OVGP1: variants seen among roughly 807,000 people sequenced by gnomAD.
OVGP1 encodes oviductal glycoprotein 1.
In OVGP1, 26 loss-of-function variants were observed where a neutral mutation model predicts 48.2. The ratio of observed to expected loss-of-function variants is 0.54; its 90% CI spans 0.40 to 0.75. OVGP1 has a LOEUF of 0.75. Among genes scored for constraint, OVGP1 ranks in the 30% least tolerant of loss-of-function variants. OVGP1 has a pLI of 0.00. For synonymous variants in OVGP1, 294 were observed against 305.7 expected, an observed-to-expected ratio of 0.96 and a Z score of 0.40; for missense variants, 791 against 820.6, an observed-to-expected ratio of 0.96 and a Z score of 0.44.
chr1:111,414,635 C>T lies in OVGP1; in HGVS notation c.1866G>A (p.Leu622=). 6.2e-7 allele frequency: 1 copy of T among 1,614,176 alleles called. No individual in the cohort carries two copies. Among genetic ancestry groups the T allele is most frequent in the Non-Finnish European group, 8.5e-7 (1 of 1,180,026 alleles). The part of the protein sequence containing the change: ...LQMEAENRMM[L]SSSPVIQLPE... ...GGAGCTGGATGACGGGGCTGGAGGACAGCATCATCCTGTTTTCAGCTTCCA... is the reference window on the plus strand; with the variant it reads ...GGAGCTGGATGACGGGGCTGGAGGATAGCATCATCCTGTTTTCAGCTTCCA... Residue 622 remains leucine (L), a synonymous_variant, in exon 11 of 11, where the codon CTG becomes CTA. Transcript: ENST00000369732.
Position 111,426,586 on chromosome 1 carries a change from G to A in OVGP1, c.111C>T (p.Gly37=), listed in dbSNP as rs781146363. ...YFTNWAHSRP[G]PASILPHDLD... is the part of the protein sequence containing the mutation. ...GGTCATGGGGCAAGATCGAGGCAGG[G>A]CCTGGCCGACTGTGTGCCCAGTTGG... Residue 37 remains glycine, a synonymous_variant, in exon 3 of 11, where the codon GGC becomes GGT. Transcript: ENST00000369732. The A allele has an allele frequency of 1.2e-6, 2 of 1,614,072 alleles. No individual in the cohort carries two copies. The highest frequency in any genetic ancestry group is 2.2e-5 in the South Asian group (2 of 91,072).
chr1:111,426,511 G>A lies in OVGP1; in HGVS notation c.186C>T (p.Asn62=), dbSNP rs1419830156. 6.2e-7 allele frequency: 1 copy of A among 1,614,168 alleles called. No homozygotes were observed. Among genetic ancestry groups the A allele is most frequent in the Admixed American group, 1.7e-5 (1 of 60,024 alleles). Residue 62 remains asparagine (N), a synonymous_variant, in exon 3 of 11, where the codon AAC becomes AAT. Coordinates refer to ENST00000369732, the MANE Select transcript of OVGP1 (RefSeq NM_002557.4). ...GATCCTTAGCAACAATCTGATTGTTGTTCATTGAGGCAAAGGCAAATATCA... is the reference window on the plus strand; with the variant it reads ...GATCCTTAGCAACAATCTGATTGTTATTCATTGAGGCAAAGGCAAATATCA... ...THLIFAFASM[N]NNQIVAKDLQ... is the part of the protein sequence containing the mutation.
intron 1 of OVGP1, 135 bp from the exon 2 acceptor site, chr1:111,427,226 C>A (rs1571357970): frequency 1.3e-6 from 2 of 1,519,332 alleles, no homozygotes; most frequent in Non-Finnish European, 1.8e-6. Context: ...CAAATGGGGA[C>A]ACACACACCA....
intron 3 of OVGP1, 80 bp from the exon 4 acceptor site, chr1:111,425,519 C>A: frequency 6.3e-7 from 1 of 1,595,650 alleles, no homozygotes; most frequent in South Asian, 1.1e-5. Context: ...TTATTTTGCT[C>A]ATTGGAAGAA....
Position 111,421,351 on chromosome 1 carries a change from C to T in OVGP1, c.828G>A (p.Gly276=). 6.2e-7 allele frequency: 1 copy of T among 1,614,124 alleles called. No individual in the cohort carries two copies. Among genetic ancestry groups the T allele is most frequent in the Non-Finnish European group, 8.5e-7 (1 of 1,180,010 alleles). ...TFRLLKASKN[G]LQARAIGPAS... is the part of the protein sequence containing the mutation. The stretch of plus-strand genomic sequence containing the variant: ...CTGGTCCGATCGCTCTGGCCTGCAA[C>T]CCATTCTTAGAGGCTTTGAGGAGGC... Residue 276 remains glycine (G), a synonymous_variant, in exon 8 of 11, where the codon GGG becomes GGA. Transcript: ENST00000369732.
chr1:111,423,065 C>T lies in OVGP1; in HGVS notation c.484-14G>A, dbSNP rs1313844636. On this transcript the variant is annotated splice_polypyrimidine_tract_variant and intron_variant, in intron 5 of 10. Coordinates refer to ENST00000369732, the MANE Select transcript of OVGP1 (RefSeq NM_002557.4). ...AAACAGGAGCTCCTAAGAGGAAAGACAGAAAGACACAGAGAACTGGACAAA... is the reference window on the plus strand; with the variant it reads ...AAACAGGAGCTCCTAAGAGGAAAGATAGAAAGACACAGAGAACTGGACAAA... The T allele has an allele frequency of 3.7e-6, 6 of 1,613,638 alleles. No individual in the cohort carries two copies. The highest frequency in any genetic ancestry group is 4.2e-6 in the Non-Finnish European group (5 of 1,179,982).
intron 3 of OVGP1, among the ~76,000 whole-genome samples, chr1:111,425,931 G>C (rs1436975230): frequency 6.6e-6 from 1 of 152,078 alleles, no homozygotes; most frequent in African/African-American, 2.4e-5. Context: ...TTTGGGCACA[G>C]AGAGATCCCA....
In OVGP1 at chr1:111,423,562, G is replaced by A; in HGVS notation, c.464C>T (p.Thr155Ile). The A allele has an allele frequency of 6.2e-7, 1 of 1,614,094 alleles. No homozygotes were observed. ...ACTTACTTCAATTAAGAAGAGAAAA[G>A]TCCACCGGTCATGCATGGGGCTGCC... ...LRGSPMHDRW[T>I]FLFLIEELLF... Residue 155 changes from threonine to isoleucine, a missense_variant, in exon 5 of 11, where the codon ACT (threonine) becomes ATT (isoleucine). Transcript: ENST00000369732.
Position 111,426,558 on chromosome 1 carries a change from C to T in OVGP1, c.139G>A (p.Asp47Asn). 2 of 1,614,090 alleles carry T rather than the reference C, an allele frequency of 1.2e-6. No homozygotes were observed. Among genetic ancestry groups the T allele is most frequent in the Non-Finnish European group, 1.7e-6 (2 of 1,179,996 alleles). ...GPASILPHDL[D>N]PFLCTHLIFA... ...ATCAGGTGGGTGCAGAGAAAGGGGT[C>T]CAGGTCATGGGGCAAGATCGAGGCA... Residue 47 changes from aspartate to asparagine, a missense_variant, in exon 3 of 11, where the codon GAC (aspartate) becomes AAC (asparagine). Asp to Asn is a conservative substitution (Grantham distance 23, BLOSUM62 1). Transcript: ENST00000369732.
intron 9 of OVGP1, among the ~76,000 whole-genome samples, chr1:111,419,285 T>C (rs1418928430): frequency 6.6e-6 from 1 of 152,180 alleles, no homozygotes; most frequent in Non-Finnish European, 1.5e-5. Context: ...CATGATCTAC[T>C]TTGTGTTGGT....
chr1:111,423,164 G>A lies in OVGP1; in HGVS notation c.484-113C>T, dbSNP rs74812825. On this transcript the variant is annotated intron_variant, in intron 5 of 10. Transcript: ENST00000369732. Reference sequence around the variant, plus strand: ...GCTCCTGAGCCAGGCTCTGGGACACGAAGGTGAGTTGGACATGGGCCATGC... The same window carrying A: ...GCTCCTGAGCCAGGCTCTGGGACACAAAGGTGAGTTGGACATGGGCCATGC... 5,365 of 1,347,878 alleles carry A rather than the reference G, an allele frequency of 4.0e-3. 163 individuals are homozygous for A. The African/African-American group carries it at 0.065, about 16-fold the overall frequency. The allele number at this position is 1,347,878 out of a possible 1,614,324, so 83.5% of individuals were successfully genotyped here.
At chr1:111,427,627 A>T in intron 1 of OVGP1, 70 bp downstream of exon 1, 1 of 1,560,560 alleles carries the variant, frequency 6.4e-7, no homozygotes, top group Non-Finnish European at 8.8e-7. Flanking sequence ...CAGGCACCAG[A>T]GAGATGACGA....
At chr1:111,427,656 T>C in intron 1 of OVGP1, 41 bp downstream of exon 1, 1 of 1,610,862 alleles carries the variant, frequency 6.2e-7, no homozygotes, top group Non-Finnish European at 8.5e-7. Context: ...AGCCTGGCAC[T>C]TCCTGGACTG....
rs777460085 is a variant in OVGP1 at position 111,414,492 on chromosome 1, T to C, written c.2009A>G (p.Glu670Gly). The change falls in exon 11 of 11, where the codon GAA becomes GGA. Residue 670 changes from glutamate (E) to glycine (G), a missense_variant. Glu to Gly is a moderately conservative substitution (Grantham distance 98, BLOSUM62 -2). Coordinates refer to ENST00000369732, the MANE Select transcript of OVGP1 (RefSeq NM_002557.4). ...GGCTTCTTCATCCACAGCAGAGTTT[T>C]CTGGGATTTCTTTTTTTAGAGAAAG... Reference protein sequence around the residue: ...SPLSLKKEIPENSAVDEEA With the variant: ...SPLSLKKEIPGNSAVDEEA 2 of 1,613,320 alleles carry C rather than the reference T, an allele frequency of 1.2e-6. No homozygotes were observed. The highest frequency in any genetic ancestry group is 4.5e-5 in the East Asian group (2 of 44,868).
In OVGP1 at chr1:111,421,421, G is replaced by A; in HGVS notation, c.758C>T (p.Ser253Leu). 3.1e-6 allele frequency: 5 copies of A among 1,612,956 alleles called. No individual in the cohort carries two copies. Among genetic ancestry groups the A allele is most frequent in the Non-Finnish European group, 4.2e-6 (5 of 1,179,582 alleles). Residue 253 changes from serine to leucine, a missense_variant, in exon 8 of 11, where the codon TCA (serine) becomes TTA (leucine). Physicochemically the swap from Ser to Leu is moderately radical, Grantham distance 145. Transcript: ENST00000369732. ...GGGGATCCCCATGATGAGCTTCTCTGAGGGTGCCCCAAGCTTTCTCCAATA... is the reference window on the plus strand; with the variant it reads ...GGGGATCCCCATGATGAGCTTCTCTAAGGGTGCCCCAAGCTTTCTCCAATA... ...MNYWRKLGAP[S>L]EKLIMGIPTY... is the part of the protein sequence containing the mutation.
chr1:111,419,662 T>C lies in OVGP1; in HGVS notation c.968A>G (p.Asn323Ser). The change falls in exon 9 of 11, where the codon AAC becomes AGC. Residue 323 changes from asparagine (N) to serine (S), a missense_variant. Transcript: ENST00000369732. ...ATAGCCAACCCACTCTTTCCCCTTGTTGGCATACGGGACATACTGGTAATC... is the reference window on the plus strand; with the variant it reads ...ATAGCCAACCCACTCTTTCCCCTTGCTGGCATACGGGACATACTGGTAATC... Reference protein sequence around the residue: ...WIDYQYVPYANKGKEWVGYDN... With the variant: ...WIDYQYVPYASKGKEWVGYDN... 1 of 1,613,934 alleles carries C rather than the reference T, an allele frequency of 6.2e-7. No homozygotes were observed. Among genetic ancestry groups the C allele is most frequent in the Non-Finnish European group, 8.5e-7 (1 of 1,179,816 alleles).
chr1:111,419,828 A>G, intron 8 of OVGP1, 102 bp from the exon 9 acceptor site: 1 of 745,308 alleles, frequency 1.3e-6, no homozygotes, highest in South Asian at 1.5e-5. Context: ...AGAATCCCTA[A>G]CCAGCGAATG....
chr1:111,424,325 G>C (rs750029156), intron 4 of OVGP1, among the ~76,000 whole-genome samples: 9 of 152,146 alleles, frequency 5.9e-5, no homozygotes, highest in Non-Finnish European at 1.3e-4. Flanking sequence ...CTCTTCCGTA[G>C]TGATGACACT....
At chr1:111,424,764 G>A (rs149352397) in intron 4 of OVGP1, among the ~76,000 whole-genome samples, 3 of 152,232 alleles carry the variant, frequency 2.0e-5, no homozygotes, top group South Asian at 2.1e-4. Context: ...CCTCCCTCTC[G>A]TGTATCTCAT....
Sources: gnomAD v4.1 joint callset for allele counts (sites outside exome capture counted in the v4.1 genomes callset) on GRCh38, gnomAD v4.1.1 for gene constraint, MANE v1.5 for transcripts, NCBI Gene and HGNC (gene_info 2026-07-23, HGNC 2026-07-21) for gene names.